Variants in STK31 observed in about 807,000 individuals in gnomAD.
STK31 encodes serine/threonine kinase 31.
A neutral mutation model predicts 129.7 loss-of-function variants in STK31; 89 were observed. The observed-to-expected ratio is 0.69, with a 90% CI of 0.58 to 0.82. STK31 has a LOEUF of 0.82. STK31 is among the 40% of genes least tolerant of loss of function. The pLI, the probability that STK31 is intolerant of heterozygous loss-of-function variation, is 0.00. For synonymous variants in STK31, 448 were observed against 395.3 expected, an observed-to-expected ratio of 1.13 and a Z score of -1.58; for missense variants, 1,187 against 1,176.4, an observed-to-expected ratio of 1.01 and a Z score of -0.13.
At position 23,737,077 on chromosome 7, in the gene STK31, A is replaced by G. The variant is rs757745839; in HGVS notation, c.1016A>G (p.Gln339Arg). ...GTAGAGCAGATTGCCCAGGAGCTGCAGGTATGTTCAGTGGCTTAAGGTGAA... is the reference window on the plus strand; with the variant it reads ...GTAGAGCAGATTGCCCAGGAGCTGCGGGTATGTTCAGTGGCTTAAGGTGAA... Reference protein sequence around the residue: ...LKVEQIAQELQQEKAAAVDLT... With the variant: ...LKVEQIAQELRQEKAAAVDLT... Residue 339 changes from glutamine to arginine, a missense_variant and splice_region_variant, in exon 8 of 24, where the codon CAG (glutamine) becomes CGG (arginine). By Grantham distance (43) the Gln-to-Arg change is conservative. Around this residue, in one of 5 missense-constraint regions of STK31, gnomAD observed 975 missense variants for 934.9 expected, o/e 1.04. Coordinates refer to ENST00000355870, the MANE Select transcript of STK31 (RefSeq NM_031414.5). 6.2e-7 allele frequency: 1 copy of G among 1,600,908 alleles called. No homozygotes were observed. Among genetic ancestry groups the G allele is most frequent in the Non-Finnish European group, 8.5e-7 (1 of 1,177,256 alleles).
At chr7:23,782,927 C>T (rs1791025827) in intron 16 of STK31, among the ~76,000 whole-genome samples, 1 of 151,632 alleles carries the variant, frequency 6.6e-6, no homozygotes, top group African/African-American at 2.4e-5. Context: ...TGTATGTATC[C>T]AAAGCTTAAA....
At chr7:23,717,213 A>T (rs1187255036) in intron 3 of STK31, among the ~76,000 whole-genome samples, 2 of 148,278 alleles carry the variant, frequency 1.3e-5, no homozygotes, top group East Asian at 3.9e-4. Flanking sequence ...TCAATCTTTA[A>T]GGAATCCTTT....
At chr7:23,791,270 C>G in intron 22 of STK31, 1 of 985,156 alleles carries the variant, frequency 1.0e-6, no homozygotes, top group Non-Finnish European at 1.2e-6. Flanking sequence ...GGGTATATTC[C>G]TGCTTCCAGT....
chr7:23,794,852 G>A (rs1170115339), intron 22 of STK31, among the ~76,000 whole-genome samples: 1 of 152,204 alleles, frequency 6.6e-6, no homozygotes, highest in Non-Finnish European at 1.5e-5. Context: ...TTTCTAAGCA[G>A]CAAAGTGTTC....
At chr7:23,807,903 TTC>T (rs1792814714) in intron 22 of STK31, among the ~76,000 whole-genome samples, 1 of 151,984 alleles carries the variant, frequency 6.6e-6, no homozygotes, top group Non-Finnish European at 1.5e-5. Context: ...TTTTTATATC[TTC>T]TGTCTTCTGT....
At chr7:23,816,416 T>C (rs990023245) in intron 23 of STK31, among the ~76,000 whole-genome samples, 8 of 152,232 alleles carry the variant, frequency 5.3e-5, no homozygotes, top group African/African-American at 1.2e-4. Flanking sequence ...TTAAAACTTA[T>C]ATTACAGTTT....
chr7:23,767,206 T>C (rs1789883770), intron 11 of STK31, among the ~76,000 whole-genome samples: 1 of 152,204 alleles, frequency 6.6e-6, no homozygotes, highest in African/African-American at 2.4e-5. Flanking sequence ...TTTTATAAAG[T>C]GGCTTAGTTT....
chr7:23,783,694 T>G (rs1300987644), intron 17 of STK31, 31 bp downstream of exon 17: 2 of 1,533,702 alleles, frequency 1.3e-6, no homozygotes, highest in South Asian at 2.3e-5. Flanking sequence ...GAATTACTAC[T>G]CTTCAGAGGG....
chr7:23,731,465 G>T (rs904349763), intron 6 of STK31, among the ~76,000 whole-genome samples: 1 of 152,168 alleles, frequency 6.6e-6, no homozygotes, highest in Non-Finnish European at 1.5e-5. Context: ...GAGTTTGGTA[G>T]AGATAAGTAT....
intron 10 of STK31, among the ~76,000 whole-genome samples, chr7:23,756,088 G>A (rs1459571010): frequency 6.6e-6 from 1 of 152,196 alleles, no homozygotes; most frequent in East Asian, 1.9e-4. Context: ...TTTTTGGCCA[G>A]TATAGCCATT....
rs745518067 is a variant in STK31 at position 23,786,646 on chromosome 7, T to G, written c.2400+13T>G. On this transcript the variant is annotated intron_variant, in intron 19 of 23. Coordinates refer to ENST00000355870, the MANE Select transcript of STK31 (RefSeq NM_031414.5). The stretch of plus-strand genomic sequence containing the variant: ...GTTTTTATGTAAGGTAAAGTTCTTA[T>G]GCTAATCTCTTGCAGAAACCATTTT... 2 of 1,605,298 alleles carry G rather than the reference T, an allele frequency of 1.2e-6. No homozygotes were observed. The highest frequency in any genetic ancestry group is 1.7e-4 in the Middle Eastern group (1 of 6,008).
chr7:23,736,768 A>G, intron 7 of STK31, 136 bp from the exon 8 acceptor site: 2 of 579,294 alleles, frequency 3.5e-6, no homozygotes, highest in Non-Finnish European at 5.5e-6. Flanking sequence ...AATATTATGA[A>G]CTAGGTAAAT....
At chr7:23,727,366 G>C in intron 5 of STK31, 51 bp downstream of exon 5, 1 of 1,554,414 alleles carries the variant, frequency 6.4e-7, no homozygotes, top group Non-Finnish European at 8.9e-7. Flanking sequence ...TATTTATTGT[G>C]GTTCAAAAAT....
chr7:23,736,765 T>C, intron 7 of STK31, 139 bp from the exon 8 acceptor site: 1 of 559,850 alleles, frequency 1.8e-6, no homozygotes, highest in Non-Finnish European at 2.9e-6. Flanking sequence ...TTTAATATTA[T>C]GAACTAGGTA....
intron 22 of STK31, among the ~76,000 whole-genome samples, chr7:23,805,840 C>A (rs1792674431): frequency 6.6e-6 from 1 of 152,154 alleles, no homozygotes; most frequent in Admixed American, 6.5e-5. Flanking sequence ...GTGGTAACAT[C>A]CTCCCTTGGT....
chr7:23,814,146 C>CTTTTTTTTTTTTTTTTTTTTTTTTT lies in STK31; in HGVS notation c.2761-996_2761-995insTTTTTTTTTTTTTTTTTTTTTTTTT, dbSNP rs71552259. 4.0e-5 allele frequency among the ~76,000 whole-genome samples: 4 copies of CTTTTTTTTTTTTTTTTTTTTTTTTT among 98,916 alleles called. 2 individuals carry two copies. The highest frequency in any genetic ancestry group is 2.6e-4 in the Admixed American group (2 of 7,580). The allele number at this position is 98,916 out of a possible 152,430, so 64.9% of individuals were successfully genotyped here. Reference sequence around the variant, plus strand: ...GTTGGGAAACATCAGATCTGGCTCACTTATTTTTTTTTTTTTTTCAGTTGG... The same window carrying CTTTTTTTTTTTTTTTTTTTTTTTTT: ...GTTGGGAAACATCAGATCTGGCTCACTTTTTTTTTTTTTTTTTTTTTTTTTTTATTTTTTTTTTTTTTTCAGTTGG... On this transcript the variant is annotated intron_variant, in intron 22 of 23. Transcript: ENST00000355870.
At chr7:23,721,857 T>G (rs1786722536) in intron 4 of STK31, 2 of 476,808 alleles carry the variant, frequency 4.2e-6, no homozygotes, top group Admixed American at 6.2e-5. Flanking sequence ...TTTCTTCCAC[T>G]TGATCAAATC....
In STK31 at chr7:23,815,153, C is replaced by A. The variant is rs1793395425; in HGVS notation, c.2770C>A (p.Gln924Lys). The A allele has an allele frequency of 1.2e-6, 2 of 1,600,620 alleles. No individual in the cohort carries two copies. Among genetic ancestry groups the A allele is most frequent in the African/African-American group, 1.3e-5 (1 of 74,270 alleles). ...YGCLLLWLSV[Q>K]NQEFEINKDG... ...TTACTTTCTTTCACAGCTTTCTGTT[C>A]AAAATCAGGAGTTTGAGATAAATAA... The change falls in exon 23 of 24, where the codon CAA becomes AAA. Residue 924 changes from glutamine to lysine, a missense_variant. Around this residue, in one of 5 missense-constraint regions of STK31, gnomAD observed 975 missense variants for 934.9 expected, o/e 1.04. Transcript: ENST00000355870.
chr7:23,714,504 A>C lies in STK31; in HGVS notation c.150+2218A>C, dbSNP rs572856614. On this transcript the variant is annotated intron_variant, in intron 3 of 23. Transcript: ENST00000355870. ...TTGAAGAAACTAAAAATAGCAGGTG[A>C]CATTTTAATAAGTACATTTTATTTA... 5.9e-5 allele frequency among the ~76,000 whole-genome samples: 9 copies of C among 152,370 alleles called. No individual in the cohort carries two copies. In the East Asian group the frequency reaches 1.7e-3, roughly 29 times the overall value.
Sources: gnomAD v4.1 joint callset for allele counts (sites outside exome capture counted in the v4.1 genomes callset) on GRCh38, gnomAD v4.1.1 for gene constraint, gnomAD v4.1.1 regional missense constraint, MANE v1.5 for transcripts, NCBI Gene and HGNC (gene_info 2026-07-23, HGNC 2026-07-21) for gene names.